The following PDE4D variants were observed in gnomAD, a reference collection of about 807,000 sequenced individuals.
PDE4D encodes the protein phosphodiesterase 4D, also known as 3',5'-cyclic-AMP phosphodiesterase 4D.
In PDE4D, 24 loss-of-function variants were observed where a neutral mutation model predicts 87.4. That is an observed-to-expected ratio of 0.27 (90% confidence interval 0.20 to 0.39). The LOEUF is 0.39. PDE4D is among the 10% of genes least tolerant of loss of function. The pLI, the probability that PDE4D is intolerant of heterozygous loss-of-function variation, is 1.00. For missense variants in PDE4D, 714 were observed against 1,041.0 expected (o/e 0.69, Z 4.32); for synonymous variants, 384 against 383.2 (o/e 1.00, Z -0.02).
chr5:59,368,779 A>G (rs773307309), intron 1 of PDE4D, among the ~76,000 whole-genome samples: 2 of 152,206 alleles, frequency 1.3e-5, no homozygotes, highest in African/African-American at 2.4e-5. Flanking sequence ...TACAAACTTC[A>G]CTTTGCCTGT....
In PDE4D at chr5:58,973,819, T is replaced by TAA. The variant is rs1743079303; in HGVS notation, c.*843_*844dup. The TAA allele has an allele frequency of 6.6e-6, 1 of 152,136 alleles. No individual in the cohort carries two copies. The highest frequency in any genetic ancestry group is 2.4e-5 in the African/African-American group (1 of 41,400). 9.4% of individuals were successfully genotyped at this position (152,136 alleles called of 1,614,324 possible). On this transcript the variant is annotated 3_prime_UTR_variant, in exon 15 of 15. Transcript: ENST00000340635. Reference sequence around the variant, plus strand: ...CTTACAAAAAGGGTTTCCTGCAACATAAAGTTGTTTTTCTCTTTTAAAATA... The same window carrying TAA: ...CTTACAAAAAGGGTTTCCTGCAACATAAAAAGTTGTTTTTCTCTTTTAAAATA...
intron 1 of PDE4D, among the ~76,000 whole-genome samples, chr5:59,527,604 G>T (rs764332092): frequency 2.0e-5 from 3 of 152,042 alleles, no homozygotes; most frequent in Non-Finnish European, 4.4e-5. Flanking sequence ...AGTAGGTAAG[G>T]TATCTCCAGC....
intron 1 of PDE4D, among the ~76,000 whole-genome samples, chr5:59,522,664 A>C (rs1812448817): frequency 6.6e-6 from 1 of 152,214 alleles, no homozygotes; most frequent in Non-Finnish European, 1.5e-5. Context: ...TGGGCAAAGA[A>C]TCTTGAGGAG....
intron 1 of PDE4D, among the ~76,000 whole-genome samples, chr5:59,673,671 A>G (rs769797575): frequency 1.3e-5 from 2 of 152,138 alleles, no homozygotes; most frequent in Admixed American, 1.3e-4. Context: ...ACATTTATGC[A>G]TTTTCTCTCA....
intron 1 of PDE4D, among the ~76,000 whole-genome samples, chr5:59,440,118 T>C (rs1159458692): frequency 2.0e-5 from 3 of 152,214 alleles, no homozygotes; most frequent in African/African-American, 4.8e-5. Context: ...CCTTTCTTGA[T>C]AGACTATTGC....
intron 1 of PDE4D, among the ~76,000 whole-genome samples, chr5:59,388,944 T>G (rs1369717743): frequency 1.3e-5 from 2 of 152,068 alleles, no homozygotes; most frequent in Non-Finnish European, 1.5e-5. Context: ...GATGAAGAGA[T>G]AATGGAATCA....
Position 58,975,095 on chromosome 5 carries a change from A to T in PDE4D, c.2014-15T>A, listed in dbSNP as rs1331150925. 2.1e-6 allele frequency: 3 copies of T among 1,452,166 alleles called. No individual in the cohort carries two copies. Among genetic ancestry groups the T allele is most frequent in the Non-Finnish European group, 2.7e-6 (3 of 1,093,284 alleles). 90.0% of individuals were successfully genotyped at this position (1,452,166 alleles called of 1,614,324 possible). A position where few individuals can be genotyped will look rare whatever the true frequency, so the allele number is the denominator to read the frequency against. ...ATGAAGCCCACCTAGTTAAGAAAAAAATCCAGTATGAGTAGAGGACTTGGG... is the reference window on the plus strand; with the variant it reads ...ATGAAGCCCACCTAGTTAAGAAAAATATCCAGTATGAGTAGAGGACTTGGG... On this transcript the variant is annotated splice_polypyrimidine_tract_variant and intron_variant, in intron 14 of 14. Coordinates refer to ENST00000340635, the MANE Select transcript of PDE4D (RefSeq NM_001104631.2). This position sits in a 1 kb window ranked among gnomAD's most constrained non-coding sequence, Gnocchi z 4.2.
intron 2 of PDE4D, among the ~76,000 whole-genome samples, chr5:60,159,688 C>T (rs554337180): frequency 6.6e-6 from 1 of 152,224 alleles, no homozygotes; most frequent in East Asian, 1.9e-4. Flanking sequence ...AATGACTGTA[C>T]TAAATAAATA....
intron 1 of PDE4D, among the ~76,000 whole-genome samples, chr5:59,416,072 G>A (rs2153624043): frequency 6.6e-6 from 1 of 152,152 alleles, no homozygotes; most frequent in East Asian, 1.9e-4. Context: ...GGCACAGTGG[G>A]CCCTGAACAT....
intron 2 of PDE4D, among the ~76,000 whole-genome samples, chr5:60,036,966 A>T (rs931138342): frequency 6.6e-6 from 1 of 152,210 alleles, no homozygotes; most frequent in Non-Finnish European, 1.5e-5. Flanking sequence ...TTCTATTTAA[A>T]AACATTTTGT....
At chr5:60,197,291 G>C (rs1004911932) in intron 1 of PDE4D, among the ~76,000 whole-genome samples, 4 of 151,522 alleles carry the variant, frequency 2.6e-5, no homozygotes, top group African/African-American at 9.7e-5. Flanking sequence ...TTATGAGCCA[G>C]ATACCTTCAG....
chr5:59,798,228 ATCTCTC>A (rs60239831), intron 1 of PDE4D, among the ~76,000 whole-genome samples: 1 of 145,622 alleles, frequency 6.9e-6, no homozygotes, highest in Non-Finnish European at 1.5e-5. Flanking sequence ...ACAAGTCTCC[ATCTCTC>A]TCTCTCTATA....
intron 1 of PDE4D, among the ~76,000 whole-genome samples, chr5:59,762,499 G>GGTACACATATGTGTATATGT (rs1215836200): frequency 2.5e-5 from 3 of 117,712 alleles, no homozygotes; most frequent in African/African-American, 1.1e-4. Context: ...TGTGTATATG[G>GGTACACATATGTGTATATGT]GTACACATAT....
intron 1 of PDE4D, among the ~76,000 whole-genome samples, chr5:59,457,154 G>A (rs1463169766): frequency 6.6e-6 from 1 of 152,166 alleles, no homozygotes; most frequent in Non-Finnish European, 1.5e-5. Context: ...AGTCTTTTAT[G>A]AAGAGAAAAG....
chr5:60,313,551 T>C (rs1755244680), intron 1 of PDE4D, among the ~76,000 whole-genome samples: 1 of 152,048 alleles, frequency 6.6e-6, no homozygotes, highest in African/African-American at 2.4e-5. Flanking sequence ...TCAAAAAAAC[T>C]GACTAGGAGG....
intron 1 of PDE4D, chr5:59,586,657 A>T: frequency 1.0e-6 from 1 of 985,410 alleles, no homozygotes; most frequent in Non-Finnish European, 1.2e-6. Context: ...TAAAATAACC[A>T]GTTCAACTAA....
chr5:59,455,706 A>G (rs1455454773), intron 1 of PDE4D, among the ~76,000 whole-genome samples: 2 of 152,178 alleles, frequency 1.3e-5, no homozygotes, highest in Non-Finnish European at 2.9e-5. Context: ...AGCAGCAGAC[A>G]CTCAACACCA....
At chr5:59,273,298 G>A (rs1012615925) in intron 1 of PDE4D, among the ~76,000 whole-genome samples, 14 of 152,012 alleles carry the variant, frequency 9.2e-5, no homozygotes, top group African/African-American at 2.2e-4. Flanking sequence ...AAGAGAGGCC[G>A]TTTGGGTTTT....
intron 3 of PDE4D, among the ~76,000 whole-genome samples, chr5:59,975,936 T>C (rs1761279710): frequency 6.6e-6 from 1 of 152,164 alleles, no homozygotes; most frequent in Non-Finnish European, 1.5e-5. Context: ...TATTTCTCCA[T>C]TTGTCTGCAG....
Sources: gnomAD v4.1 joint callset for allele counts (sites outside exome capture counted in the v4.1 genomes callset) on GRCh38, gnomAD v4.1.1 for gene constraint, Gnocchi (gnomAD v3.1) non-coding constraint, MANE v1.5 for transcripts, NCBI Gene and HGNC (gene_info 2026-07-23, HGNC 2026-07-21) for gene names.